COLEC10: variants seen among roughly 807,000 people sequenced by gnomAD.
COLEC10 encodes the protein collectin subfamily member 10, also known as collectin-10.
In COLEC10, 22 loss-of-function variants were observed where a neutral mutation model predicts 28.4. That is an observed-to-expected ratio of 0.78 (90% CI 0.55 to 1.11). The LOEUF (loss-of-function observed/expected upper bound fraction) is 1.11, where lower values mean the gene tolerates loss of function less well. Ranked by LOEUF, COLEC10 falls within the 50% of genes least tolerant of loss-of-function variation. The probability of loss-of-function intolerance (pLI) is 0.00; values close to 1 mark genes in which losing one functional copy is unlikely to be tolerated. For synonymous variants in COLEC10, 125 were observed against 116.1 expected, an observed-to-expected ratio of 1.08 and a Z score of -0.49; for missense variants, 361 against 344.1, an observed-to-expected ratio of 1.05 and a Z score of -0.39.
chr8:119,076,246 C>T (rs1006218118), intron 1 of COLEC10, among the ~76,000 whole-genome samples: 1 of 129,756 alleles, frequency 7.7e-6, no homozygotes, highest in Non-Finnish European at 1.6e-5. Flanking sequence ...GATAGATGTG[C>T]TGAGGACACA....
the COLEC10 span, among the ~76,000 whole-genome samples, chr8:118,963,896 A>G: frequency 2.6e-5 from 4 of 152,170 alleles, no homozygotes; most frequent in African/African-American, 4.8e-5. Flanking sequence ...GGTGCTGGAC[A>G]TGGAGGGAGC....
the COLEC10 span, among the ~76,000 whole-genome samples, chr8:118,959,394 C>CTG: frequency 6.6e-6 from 1 of 151,768 alleles, no homozygotes; most frequent in African/African-American, 2.4e-5. Flanking sequence ...TATTCATTTG[C>CTG]TAGTTTTGTC....
chr8:119,103,360 G>T (rs188111129), intron 4 of COLEC10, among the ~76,000 whole-genome samples: 1 of 152,112 alleles, frequency 6.6e-6, no homozygotes, highest in South Asian at 2.1e-4. Flanking sequence ...ATCATGAAAA[G>T]TTTCTTCTGT....
intron 2 of COLEC10, among the ~76,000 whole-genome samples, chr8:119,049,201 C>T (rs1175810431): frequency 6.6e-6 from 1 of 152,054 alleles, no homozygotes; most frequent in Non-Finnish European, 1.5e-5. Flanking sequence ...ACTGAGAGGT[C>T]TGCTGCTATC....
chr8:119,037,463 C>A (rs543914277), intron 2 of COLEC10, among the ~76,000 whole-genome samples: 1 of 152,184 alleles, frequency 6.6e-6, no homozygotes, highest in Non-Finnish European at 1.5e-5. Flanking sequence ...AGTTATTCAG[C>A]ACTGATAGTA....
At chr8:119,065,375 G>C (rs549051750), upstream of COLEC10, among the ~76,000 whole-genome samples, 3 of 152,166 alleles carry the variant, frequency 2.0e-5, no homozygotes, top group South Asian at 6.2e-4. Flanking sequence ...GGGGATTTAG[G>C]TTGCCTGATA....
chr8:119,070,255 C>CA (rs1815075822), intron 1 of COLEC10, among the ~76,000 whole-genome samples: 1 of 152,184 alleles, frequency 6.6e-6, no homozygotes, highest in Non-Finnish European at 1.5e-5. Context: ...TTAAGCTGTA[C>CA]AGACATCATC....
At chr8:119,042,718 GA>G (rs1814521304) in intron 2 of COLEC10, among the ~76,000 whole-genome samples, 1 of 152,152 alleles carries the variant, frequency 6.6e-6, no homozygotes, top group Non-Finnish European at 1.5e-5. Flanking sequence ...TTGGCTGAGT[GA>G]TTCATCTTTC....
the COLEC10 span, among the ~76,000 whole-genome samples, chr8:118,983,263 A>G: frequency 1.3e-5 from 2 of 152,270 alleles, no homozygotes; most frequent in East Asian, 3.9e-4. Context: ...ATCCTTCCCG[A>G]ATTTCAAAGG....
chr8:119,051,086 A>G (rs985177900), intron 2 of COLEC10, among the ~76,000 whole-genome samples: 13 of 152,208 alleles, frequency 8.5e-5, no homozygotes, highest in African/African-American at 3.1e-4. Context: ...TTATAGAACT[A>G]TTGACTAAAA....
chr8:118,959,111 G>A, the COLEC10 span, among the ~76,000 whole-genome samples: 5 of 152,208 alleles, frequency 3.3e-5, no homozygotes, highest in African/African-American at 1.2e-4. Flanking sequence ...TTTAGTGGTT[G>A]TTAGATGTGG....
At chr8:119,000,186 T>G (rs1813666894) in intron 1 of COLEC10, among the ~76,000 whole-genome samples, 1 of 152,150 alleles carries the variant, frequency 6.6e-6, no homozygotes, top group South Asian at 2.1e-4. Flanking sequence ...GGAGCCAGCA[T>G]AGAAGATGAG....
intron 2 of COLEC10, among the ~76,000 whole-genome samples, chr8:119,054,844 T>C (rs1342858270): frequency 6.6e-6 from 1 of 152,134 alleles, no homozygotes; most frequent in Non-Finnish European, 1.5e-5. Flanking sequence ...TATAAAAGAC[T>C]GCAATATCTA....
At chr8:118,988,097 A>G in the COLEC10 span, among the ~76,000 whole-genome samples, 2 of 152,186 alleles carry the variant, frequency 1.3e-5, no homozygotes, top group Non-Finnish European at 2.9e-5. Flanking sequence ...TGCTGGAGCC[A>G]TAGACTGGTG....
chr8:119,025,194 T>C (rs1309307580), intron 2 of COLEC10, among the ~76,000 whole-genome samples: 3 of 152,144 alleles, frequency 2.0e-5, no homozygotes, highest in Non-Finnish European at 2.9e-5. Flanking sequence ...TAAAACTAAA[T>C]GGAAAGAAAG....
chr8:119,080,631 T>C (rs1383214505), intron 1 of COLEC10, among the ~76,000 whole-genome samples: 2 of 152,140 alleles, frequency 1.3e-5, no homozygotes, highest in Admixed American at 6.6e-5. Flanking sequence ...TTATTATTTA[T>C]GTTTTATGTT....
the COLEC10 span, among the ~76,000 whole-genome samples, chr8:118,971,467 T>G: frequency 6.6e-6 from 1 of 151,962 alleles, no homozygotes; most frequent in Non-Finnish European, 1.5e-5. Flanking sequence ...TTATTAAATC[T>G]TCCTCAATAT....
At chr8:119,019,633 C>T (rs1791519836) in intron 2 of COLEC10, among the ~76,000 whole-genome samples, 1 of 152,120 alleles carries the variant, frequency 6.6e-6, no homozygotes, top group Admixed American at 6.6e-5. Context: ...TAAGAGGCCT[C>T]TGCTCTATAC....
chr8:119,045,328 A>G (rs768927877), intron 2 of COLEC10, among the ~76,000 whole-genome samples: 2 of 152,322 alleles, frequency 1.3e-5, no homozygotes, highest in East Asian at 1.9e-4. Flanking sequence ...GACTCTGCAT[A>G]TAGGTGTGGA....
Sources: allele counts gnomAD v4.1 joint callset (sites outside exome capture counted in the v4.1 genomes callset), GRCh38; gene constraint gnomAD v4.1.1; transcripts MANE v1.5; gene names NCBI Gene and HGNC (gene_info 2026-07-23, HGNC 2026-07-21).